CDH12: variants seen among roughly 807,000 people sequenced by gnomAD.
CDH12 encodes cadherin 12.
In CDH12, 41 loss-of-function variants were observed where a neutral mutation model predicts 74.1. That is an observed-to-expected ratio of 0.55 (90% CI 0.43 to 0.72). The LOEUF (loss-of-function observed/expected upper bound fraction) is 0.72, where lower values mean the gene tolerates loss of function less well. Among genes scored for constraint, CDH12 ranks in the 30% least tolerant of loss-of-function variants. The pLI, the probability that CDH12 is intolerant of heterozygous loss-of-function variation, is 0.00. For synonymous variants in CDH12, 399 were observed against 355.0 expected, an observed-to-expected ratio of 1.12 and a Z score of -1.39; for missense variants, 945 against 977.2, an observed-to-expected ratio of 0.97 and a Z score of 0.44.
At chr5:21,948,950 A>G (rs1038504729) in intron 6 of CDH12, among the ~76,000 whole-genome samples, 10 of 151,620 alleles carry the variant, frequency 6.6e-5, no homozygotes, top group African/African-American at 2.4e-4. Flanking sequence ...CTTGTGAAGA[A>G]GATGACTGCT....
chr5:22,711,371 T>C (rs1227167485), intron 1 of CDH12, among the ~76,000 whole-genome samples: 2 of 152,118 alleles, frequency 1.3e-5, no homozygotes, highest in Admixed American at 1.3e-4. Context: ...GACATAGTTC[T>C]AGAGATTGCT....
intron 2 of CDH12, among the ~76,000 whole-genome samples, chr5:22,500,393 C>A (rs1268944578): frequency 6.6e-6 from 1 of 152,036 alleles, no homozygotes; most frequent in Non-Finnish European, 1.5e-5. Flanking sequence ...TTAAACATGA[C>A]AGTTGTTATG....
At chr5:22,058,146 T>C (rs1161383627) in intron 5 of CDH12, among the ~76,000 whole-genome samples, 1 of 152,120 alleles carries the variant, frequency 6.6e-6, no homozygotes, top group African/African-American at 2.4e-5. Flanking sequence ...AACTTCTGCC[T>C]ACCAGGTTCA....
At chr5:22,557,323 T>C (rs1738839942) in intron 1 of CDH12, among the ~76,000 whole-genome samples, 1 of 152,044 alleles carries the variant, frequency 6.6e-6, no homozygotes, top group Admixed American at 6.6e-5. Flanking sequence ...AGTATAACAA[T>C]GCAATTTTCG....
intron 4 of CDH12, among the ~76,000 whole-genome samples, chr5:22,204,176 G>GTTTTTTTTTTTTTTTT (rs1172824728): frequency 7.2e-6 from 1 of 139,654 alleles, no homozygotes; most frequent in Non-Finnish European, 1.5e-5. Context: ...TTTTTTTTTT[G>GTTTTTTTTTTTTTTTT]TTTTTTGTTT....
At chr5:22,165,367 C>A (rs1748620233) in intron 4 of CDH12, among the ~76,000 whole-genome samples, 1 of 152,196 alleles carries the variant, frequency 6.6e-6, no homozygotes, top group Non-Finnish European at 1.5e-5. Context: ...TTCATAGATA[C>A]ACACAGTGAC....
intron 1 of CDH12, among the ~76,000 whole-genome samples, chr5:22,729,454 A>T (rs940067719): frequency 1.3e-5 from 2 of 151,788 alleles, no homozygotes; most frequent in Non-Finnish European, 2.9e-5. Context: ...TTTAAGACCA[A>T]CTGTTTAGTG....
At chr5:21,808,608 G>A (rs1191418887) in intron 9 of CDH12, among the ~76,000 whole-genome samples, 1 of 151,918 alleles carries the variant, frequency 6.6e-6, no homozygotes, top group Non-Finnish European at 1.5e-5. Flanking sequence ...ACAGACACTA[G>A]GAGCAAGCTC....
intron 1 of CDH12, among the ~76,000 whole-genome samples, chr5:22,550,680 C>T (rs999337497): frequency 6.6e-6 from 1 of 152,192 alleles, no homozygotes; most frequent in African/African-American, 2.4e-5. Flanking sequence ...TATCCCTGCC[C>T]ATTACAGACC....
intron 1 of CDH12, among the ~76,000 whole-genome samples, chr5:22,702,348 T>G (rs1489549663): frequency 6.6e-6 from 1 of 152,172 alleles, no homozygotes; most frequent in Non-Finnish European, 1.5e-5. Context: ...TAGGAACCAC[T>G]GATACAAGGC....
intron 1 of CDH12, among the ~76,000 whole-genome samples, chr5:22,515,561 T>C (rs1295989527): frequency 6.6e-6 from 1 of 152,072 alleles, no homozygotes; most frequent in Non-Finnish European, 1.5e-5. Context: ...TTATTTATAA[T>C]TATTTAGAAA....
At chr5:22,816,094 A>G (rs1749381947) in intron 1 of CDH12, among the ~76,000 whole-genome samples, 1 of 152,176 alleles carries the variant, frequency 6.6e-6, no homozygotes, top group Non-Finnish European at 1.5e-5. Flanking sequence ...TATAGCATAA[A>G]ATCAGCTTTA....
chr5:22,209,102 A>G (rs1751390150), intron 4 of CDH12, among the ~76,000 whole-genome samples: 1 of 152,158 alleles, frequency 6.6e-6, no homozygotes, highest in African/African-American at 2.4e-5. Context: ...ATAAATTATC[A>G]TATTTTATAA....
Position 21,975,384 on chromosome 5 carries a change from A to C in CDH12, c.233T>G (p.Leu78Arg). 1 of 1,582,834 alleles carries C rather than the reference A, an allele frequency of 6.3e-7. No homozygotes were observed. The highest frequency in any genetic ancestry group is 8.5e-7 in the Non-Finnish European group (1 of 1,173,756). Residue 78 changes from leucine (L) to arginine (R), a missense_variant and splice_region_variant, in exon 6 of 15, where the codon CTC (leucine) becomes CGC (arginine). By Grantham distance (102) the Leu-to-Arg change is moderately radical. Coordinates refer to ENST00000382254, the MANE Select transcript of CDH12 (RefSeq NM_004061.5). The part of the protein sequence containing the change: ...VGSEPQYVGK[L>R]HSDLDKGEGT... ...CTCTCCCTTGTCTAAGTCGGAATGG[A>C]GCTTTAGGGAAGAGAAGGAGAGAGA...
At chr5:21,908,666 G>C (rs894476432) in intron 6 of CDH12, among the ~76,000 whole-genome samples, 27 of 152,180 alleles carry the variant, frequency 1.8e-4, no homozygotes, top group African/African-American at 6.3e-4. Context: ...AGAAAGCAGA[G>C]AGGCACTTCT....
intron 2 of CDH12, among the ~76,000 whole-genome samples, chr5:22,478,215 G>A (rs1159429134): frequency 2.0e-5 from 3 of 151,808 alleles, no homozygotes; most frequent in African/African-American, 7.3e-5. Flanking sequence ...TCAGGAGATC[G>A]AGACCATCCT....
chr5:22,773,036 C>A (rs2126316890), intron 1 of CDH12, among the ~76,000 whole-genome samples: 1 of 152,122 alleles, frequency 6.6e-6, no homozygotes, highest in African/African-American at 2.4e-5. Context: ...ACTCTATGTT[C>A]ATTGATTGGA....
chr5:22,282,166 G>T (rs1055653677), intron 3 of CDH12, among the ~76,000 whole-genome samples: 1 of 152,094 alleles, frequency 6.6e-6, no homozygotes, highest in East Asian at 1.9e-4. Flanking sequence ...TTAATAAATG[G>T]TGTTGGGAAA....
chr5:22,337,079 T>G (rs2150450701), intron 3 of CDH12, among the ~76,000 whole-genome samples: 1 of 152,314 alleles, frequency 6.6e-6, no homozygotes, highest in East Asian at 1.9e-4. Flanking sequence ...TTTTGGAGCT[T>G]TAAGATTGAC....
Sources: allele counts gnomAD v4.1 joint callset (sites outside exome capture counted in the v4.1 genomes callset), GRCh38; gene constraint gnomAD v4.1.1; transcripts MANE v1.5; gene names NCBI Gene and HGNC (gene_info 2026-07-23, HGNC 2026-07-21).